The following ATF6 variants were observed in gnomAD, a reference collection of about 807,000 sequenced individuals.
ATF6 encodes activating transcription factor 6.
A neutral mutation model predicts 83.6 loss-of-function variants in ATF6; 53 were observed. That is an observed-to-expected ratio of 0.63 (90% CI 0.51 to 0.80). The LOEUF (loss-of-function observed/expected upper bound fraction) is 0.80, where lower values mean the gene tolerates loss of function less well. ATF6 is among the 30% of genes least tolerant of loss of function. The probability of loss-of-function intolerance (pLI) is 0.00; values close to 1 mark genes in which losing one functional copy is unlikely to be tolerated. For synonymous variants in ATF6, 288 were observed against 285.8 expected (o/e 1.01, Z -0.08); for missense variants, 744 against 797.9 (o/e 0.93, Z 0.81).
chr1:161,775,158 A>G (rs1684486289), intron 1 of ATF6, among the ~76,000 whole-genome samples: 1 of 152,252 alleles, frequency 6.6e-6, no homozygotes, highest in African/African-American at 2.4e-5. Flanking sequence ...GGTATACATT[A>G]TAGTGTAAAT....
At chr1:161,937,114 T>C (rs1412775378) in intron 15 of ATF6, among the ~76,000 whole-genome samples, 1 of 152,156 alleles carries the variant, frequency 6.6e-6, no homozygotes, top group East Asian at 1.9e-4. Context: ...TTACATTCTT[T>C]AGTCTTTTTA....
chr1:161,793,587 A>G (rs1476095958), intron 6 of ATF6, among the ~76,000 whole-genome samples: 2 of 152,242 alleles, frequency 1.3e-5, no homozygotes, highest in Non-Finnish European at 2.9e-5. Context: ...CCCAAAGGCT[A>G]AGAATTTAAA....
At position 161,959,527 on chromosome 1, in the gene ATF6, G is replaced by A. The variant is rs1237903178; in HGVS notation, c.*873G>A. On this transcript the variant is annotated 3_prime_UTR_variant, in exon 16 of 16. Transcript: ENST00000367942. ...CTACTAAAAATACAAAAAATTAGCCGGGCGTAGTGACGGGCGCCTGTAGTC... is the reference window on the plus strand; with the variant it reads ...CTACTAAAAATACAAAAAATTAGCCAGGCGTAGTGACGGGCGCCTGTAGTC... 5 of 151,916 alleles carry A rather than the reference G, an allele frequency of 3.3e-5. No individual in the cohort carries two copies. The highest frequency in any genetic ancestry group is 6.6e-5 in the Admixed American group (1 of 15,248). 9.4% of individuals were successfully genotyped at this position (151,916 alleles called of 1,614,324 possible).
At chr1:161,800,145 T>C (rs1685109469) in intron 6 of ATF6, among the ~76,000 whole-genome samples, 1 of 152,158 alleles carries the variant, frequency 6.6e-6, no homozygotes, top group Non-Finnish European at 1.5e-5. Flanking sequence ...TATAAGTCTT[T>C]AGGTTAATGG....
At chr1:161,838,537 C>G (rs374771482) in intron 9 of ATF6, among the ~76,000 whole-genome samples, 1 of 152,132 alleles carries the variant, frequency 6.6e-6, no homozygotes, top group Non-Finnish European at 1.5e-5. Flanking sequence ...AAGTTGGTGA[C>G]GGCTTTCAGC....
intron 15 of ATF6, among the ~76,000 whole-genome samples, chr1:161,927,289 A>G (rs1393641446): frequency 1.3e-5 from 2 of 152,182 alleles, no homozygotes; most frequent in African/African-American, 4.8e-5. Context: ...TTTAAATATA[A>G]AATGTAATTT....
chr1:161,876,794 A>G (rs1687224945), intron 14 of ATF6, among the ~76,000 whole-genome samples: 1 of 151,978 alleles, frequency 6.6e-6, no homozygotes, highest in Non-Finnish European at 1.5e-5. Context: ...CAAATATATC[A>G]GTTTTATCTT....
intron 7 of ATF6, among the ~76,000 whole-genome samples, chr1:161,806,633 A>G (rs1347163239): frequency 1.3e-5 from 2 of 152,112 alleles, no homozygotes; most frequent in Non-Finnish European, 2.9e-5. Context: ...CCCACTGAAT[A>G]TCTTCCAAAC....
At chr1:161,856,226 A>G (rs1231487258) in intron 12 of ATF6, among the ~76,000 whole-genome samples, 1 of 152,228 alleles carries the variant, frequency 6.6e-6, no homozygotes, top group Non-Finnish European at 1.5e-5. Context: ...GGTGAGCTCA[A>G]ACTCTGACAT....
chr1:161,816,359 A>G (rs16849509), intron 7 of ATF6, among the ~76,000 whole-genome samples: 1,976 of 152,324 alleles, frequency 0.013, 47 homozygotes, highest in African/African-American at 0.044. Flanking sequence ...TGACAGAGAG[A>G]TTAGGCTTCC....
intron 15 of ATF6, among the ~76,000 whole-genome samples, chr1:161,954,006 A>G (rs1558039343): frequency 6.6e-6 from 1 of 152,218 alleles, no homozygotes; most frequent in Non-Finnish European, 1.5e-5. Flanking sequence ...AATTAATAGA[A>G]TTGGACTAAG....
At chr1:161,776,566 A>G (rs938294907) in intron 1 of ATF6, among the ~76,000 whole-genome samples, 4 of 151,686 alleles carry the variant, frequency 2.6e-5, no homozygotes, top group Non-Finnish European at 5.9e-5. Context: ...ATTTTCTGGT[A>G]GATTGATTAT....
At chr1:161,957,292 G>A (rs900955537) in intron 15 of ATF6, among the ~76,000 whole-genome samples, 2 of 152,050 alleles carry the variant, frequency 1.3e-5, no homozygotes, top group African/African-American at 4.8e-5. Flanking sequence ...TTTGTAGAAA[G>A]GCAGTACAGA....
chr1:161,909,510 T>G (rs1371719149), intron 14 of ATF6, among the ~76,000 whole-genome samples: 1 of 151,890 alleles, frequency 6.6e-6, no homozygotes, highest in African/African-American at 2.4e-5. Flanking sequence ...GGAGAGCATA[T>G]ATTGGGTAAG....
chr1:161,877,712 TAGAG>T (rs766033151), intron 14 of ATF6, among the ~76,000 whole-genome samples: 2 of 152,090 alleles, frequency 1.3e-5, no homozygotes, highest in African/African-American at 4.8e-5. Flanking sequence ...GACAATGCAT[TAGAG>T]AGAGACCTAT....
rs1688755609 is a variant in ATF6, at chr1:161,946,740, T to A, written c.1805-11706T>A. Among the ~76,000 whole-genome samples, 5 of 152,222 alleles carry A rather than the reference T, an allele frequency of 3.3e-5. 1 individual carries two copies. The South Asian group carries it at 1.0e-3, about 32-fold the overall frequency. On this transcript the variant is annotated intron_variant, in intron 15 of 15. Transcript: ENST00000367942. ...CATTTTTCATTCAGTATTTATAATT[T>A]TTAATGTGGCAGGTCTTCTAAAAAA...
intron 7 of ATF6, among the ~76,000 whole-genome samples, chr1:161,803,956 A>T (rs928635706): frequency 6.6e-6 from 1 of 150,920 alleles, no homozygotes; most frequent in Non-Finnish European, 1.5e-5. Flanking sequence ...CTCGTCATCT[A>T]GCATTAGGTA....
intron 15 of ATF6, among the ~76,000 whole-genome samples, chr1:161,931,649 T>C (rs1054894850): frequency 6.6e-6 from 1 of 152,196 alleles, no homozygotes; most frequent in Non-Finnish European, 1.5e-5. Context: ...GAGCATCTTT[T>C]TATGTGTTAC....
At chr1:161,824,864 T>G (rs1685853262) in intron 9 of ATF6, among the ~76,000 whole-genome samples, 2 of 152,180 alleles carry the variant, frequency 1.3e-5, no homozygotes, top group South Asian at 4.1e-4. Context: ...AAGTACAGTC[T>G]AGTAAGAGAA....
Sources: gnomAD v4.1 joint callset for allele counts (sites outside exome capture counted in the v4.1 genomes callset) on GRCh38, gnomAD v4.1.1 for gene constraint, MANE v1.5 for transcripts, NCBI Gene and HGNC (gene_info 2026-07-23, HGNC 2026-07-21) for gene names.